Variants in ANK1 observed in about 807,000 individuals in gnomAD.
ANK1 encodes the protein ankyrin 1.
A neutral mutation model predicts 210.4 loss-of-function variants in ANK1; 51 were observed. The observed-to-expected ratio is 0.24, with a 90% CI of 0.19 to 0.31. ANK1 has a LOEUF of 0.31. ANK1 is among the 10% of genes least tolerant of loss of function. ANK1 has a pLI of 1.00. For synonymous variants in ANK1, 967 were observed against 1,025.9 expected, an observed-to-expected ratio of 0.94 and a Z score of 1.10; for missense variants, 2,051 against 2,504.4, an observed-to-expected ratio of 0.82 and a Z score of 3.86.
rs898236301 is a variant in ANK1, at chr8:41,855,392, G to A, written c.126+40963C>T. On this transcript the variant is annotated intron_variant, in intron 1 of 42. Coordinates refer to the ANK1 transcript ENST00000265709. ...GAGACCTCCCTTTTAAAAGGTGCTT[G>A]AGAGAAGAAAGATACGTAACAAAGC... 3.9e-5 allele frequency among the ~76,000 whole-genome samples: 6 copies of A among 152,208 alleles called. No homozygotes were observed. In the South Asian group the frequency reaches 6.2e-4, roughly 16 times the overall value.
At chr8:41,699,772 G>A (rs1822174444) in intron 22 of ANK1, among the ~76,000 whole-genome samples, 1 of 152,202 alleles carries the variant, frequency 6.6e-6, no homozygotes, top group Admixed American at 6.5e-5. Flanking sequence ...AGATGCCTGA[G>A]GCTTTGCAGG....
chr8:41,832,551 C>A (rs1806877016), intron 1 of ANK1, among the ~76,000 whole-genome samples: 1 of 152,168 alleles, frequency 6.6e-6, no homozygotes, highest in South Asian at 2.1e-4. Context: ...CCTGAAGACC[C>A]AAGAAAGCAG....
At position 41,725,879 on chromosome 8, in the gene ANK1, T is replaced by C. The variant is rs1472051389; in HGVS notation, c.494A>G (p.Asn165Ser). 1 of 1,613,534 alleles carries C rather than the reference T, an allele frequency of 6.2e-7. No individual in the cohort carries two copies. Among genetic ancestry groups the C allele is most frequent in the Non-Finnish European group, 8.5e-7 (1 of 1,179,960 alleles). ...GCGCACCTTCCCCTTGGTGCCGTAG[T>C]TGATGAGGTGCGCGACGACGTTCTC... is the stretch of plus-strand genomic sequence containing the variant. ...GHENVVAHLI[N>S]YGTKGKVRLP... is the part of the protein sequence containing the mutation. The change falls in exon 6 of 43, where the codon AAC becomes AGC. Residue 165 changes from asparagine to serine, a missense_variant. Physicochemically the swap from Asn to Ser is conservative, Grantham distance 46. Coordinates refer to ENST00000289734, the MANE Select transcript of ANK1 (RefSeq NM_000037.4).
intron 2 of ANK1, among the ~76,000 whole-genome samples, chr8:41,745,464 C>T (rs1214899964): frequency 3.9e-5 from 6 of 152,114 alleles, no homozygotes; most frequent in African/African-American, 7.2e-5. Context: ...ACGGGAGATG[C>T]GGGAATTCTC....
chr8:41,751,103 A>T (rs1468316775), intron 2 of ANK1, among the ~76,000 whole-genome samples: 4 of 152,176 alleles, frequency 2.6e-5, no homozygotes, highest in Non-Finnish European at 5.9e-5. Flanking sequence ...TGACTCATCA[A>T]TGTGTATAGT....
intron 1 of ANK1, among the ~76,000 whole-genome samples, chr8:41,838,911 T>TA (rs1808339413): frequency 6.6e-6 from 1 of 152,014 alleles, no homozygotes; most frequent in Non-Finnish European, 1.5e-5. Context: ...ACCCTGCCTC[T>TA]ACTAAAAGTA....
chr8:41,672,550 G>C lies in ANK1; in HGVS notation c.4900C>G (p.Leu1634Val). 1.2e-6 allele frequency: 2 copies of C among 1,614,162 alleles called. No individual in the cohort carries two copies. Among genetic ancestry groups the C allele is most frequent in the Admixed American group, 1.7e-5 (1 of 60,026 alleles). ...TCCTCCTGTTCAAGCAAATCGATAA[G>C]GCCATTTGTGGCATCTGAATCCACT... ...DTVDSDATNG[L>V]IDLLEQEEGQ... is the part of the protein sequence containing the mutation. The change falls in exon 38 of 43, where the codon CTT becomes GTT. Residue 1634 changes from leucine to valine, a missense_variant. This residue lies in a region of ANK1 where 496 missense variants were observed against 533.4 expected (regional missense o/e 0.93). Coordinates refer to ENST00000289734, the MANE Select transcript of ANK1 (RefSeq NM_000037.4).
intron 1 of ANK1, among the ~76,000 whole-genome samples, chr8:41,832,530 T>A (rs962750122): frequency 5.9e-5 from 9 of 152,122 alleles, no homozygotes; most frequent in Admixed American, 1.3e-4. Flanking sequence ...ACCCCCAGGC[T>A]GTCCCAAAGC....
intron 1 of ANK1, among the ~76,000 whole-genome samples, chr8:41,768,314 G>T (rs1563719236): frequency 6.6e-6 from 1 of 152,126 alleles, no homozygotes; most frequent in South Asian, 2.1e-4. Flanking sequence ...ATCATAAGCC[G>T]GCTTCTTGCT....
intron 1 of ANK1, among the ~76,000 whole-genome samples, chr8:41,860,431 T>C (rs1052574620): frequency 6.6e-6 from 1 of 152,084 alleles, no homozygotes; most frequent in Non-Finnish European, 1.5e-5. Flanking sequence ...AGATCTAACA[T>C]CCTTGGTAAA....
chr8:41,684,821 T>TA, intron 36 of ANK1, 131 bp from the exon 37 acceptor site: 1 of 1,186,250 alleles, frequency 8.4e-7, no homozygotes, highest in Non-Finnish European at 1.2e-6. Context: ...GCACCCTCTT[T>TA]TATTAGAGTC....
chr8:41,774,139 G>C (rs939779908), intron 1 of ANK1, among the ~76,000 whole-genome samples: 2 of 152,074 alleles, frequency 1.3e-5, no homozygotes, highest in East Asian at 3.9e-4. Flanking sequence ...AGTAGGAGAC[G>C]AGGTCTCTTC....
intron 1 of ANK1, among the ~76,000 whole-genome samples, chr8:41,880,578 A>C (rs1257814475): frequency 6.6e-6 from 1 of 152,194 alleles, no homozygotes; most frequent in Non-Finnish European, 1.5e-5. Context: ...GCAATACTGC[A>C]TGTGCCCCCA....
At chr8:41,784,788 G>A (rs1563762739) in intron 1 of ANK1, among the ~76,000 whole-genome samples, 1 of 152,228 alleles carries the variant, frequency 6.6e-6, no homozygotes, top group African/African-American at 2.4e-5. Context: ...TTTTGAGGTG[G>A]TTTTGTTTTT....
intron 16 of ANK1, among the ~76,000 whole-genome samples, chr8:41,712,447 C>T (rs1472551395): frequency 6.6e-6 from 1 of 152,192 alleles, no homozygotes; most frequent in Non-Finnish European, 1.5e-5. Flanking sequence ...CTGTGACTCT[C>T]AGAACACGGA....
intron 2 of ANK1, among the ~76,000 whole-genome samples, chr8:41,744,504 C>A (rs1835565220): frequency 6.6e-6 from 1 of 151,632 alleles, no homozygotes; most frequent in African/African-American, 2.4e-5. Context: ...GATTAACATC[C>A]CCAGGAGTGG....
chr8:41,714,958 G>A lies in ANK1; in HGVS notation c.1701+18C>T. 6.2e-7 allele frequency: 1 copy of A among 1,613,244 alleles called. No homozygotes were observed. Among genetic ancestry groups the A allele is most frequent in the East Asian group, 2.2e-5 (1 of 44,882 alleles). ...CTCTAACCTGAGAGCTGCAGGGGAG[G>A]GCAGGGTTCAAACTCACTTTTCCGG... On this transcript the variant is annotated intron_variant, in intron 15 of 42. Coordinates refer to ENST00000289734, the MANE Select transcript of ANK1 (RefSeq NM_000037.4).
rs115619760 is a variant in ANK1, at chr8:41,769,567, G to A, written c.28-11430C>T. On this transcript the variant is annotated intron_variant, in intron 1 of 42. Coordinates refer to ENST00000289734, the MANE Select transcript of ANK1 (RefSeq NM_000037.4). ...ATATATATAATACTTTTAAAAACAC[G>A]AATGCAATTGACTTGCACAATGAAC... is the stretch of plus-strand genomic sequence containing the variant. Among the ~76,000 whole-genome samples, 1,183 of 152,234 alleles carry A rather than the reference G, an allele frequency of 7.8e-3. 17 individuals carry two copies. Among genetic ancestry groups the A allele is most frequent in the African/African-American group, 0.026 (1,070 of 41,526 alleles).
At chr8:41,831,564 C>A (rs147369236) in intron 1 of ANK1, among the ~76,000 whole-genome samples, 1 of 148,894 alleles carries the variant, frequency 6.7e-6, no homozygotes, top group East Asian at 2.0e-4. Flanking sequence ...AGAAGGATTG[C>A]TTGAACCCAG....
Sources: gnomAD v4.1 joint callset for allele counts (sites outside exome capture counted in the v4.1 genomes callset) on GRCh38, gnomAD v4.1.1 for gene constraint, gnomAD v4.1.1 regional missense constraint, MANE v1.5 for transcripts, NCBI Gene and HGNC (gene_info 2026-07-23, HGNC 2026-07-21) for gene names.